The following A2ML1 variants were observed in gnomAD, a reference collection of about 807,000 sequenced individuals.
A2ML1 encodes alpha-2-macroglobulin like 1.
A neutral mutation model predicts 181.9 loss-of-function variants in A2ML1; 161 were observed. That is an observed-to-expected ratio of 0.89 (90% CI 0.78 to 1.01). The LOEUF is 1.01. Among genes scored for constraint, A2ML1 ranks in the 50% least tolerant of loss-of-function variants. The pLI, the probability that A2ML1 is intolerant of heterozygous loss-of-function variation, is 0.00. For synonymous variants in A2ML1, 663 were observed against 666.8 expected (o/e 0.99, Z 0.09); for missense variants, 1,670 against 1,768.1 (o/e 0.94, Z 1.00).
At chr12:8,832,208 T>G (rs111255331) in intron 4 of A2ML1, among the ~76,000 whole-genome samples, 4,313 of 152,158 alleles carry the variant, frequency 0.028, 210 homozygotes, top group African/African-American at 0.098. Context: ...TGAGCCAGAT[T>G]ACTGGTCTGG....
At chr12:8,826,378 T>C (rs959319884) in intron 3 of A2ML1, among the ~76,000 whole-genome samples, 21 of 152,182 alleles carry the variant, frequency 1.4e-4, no homozygotes, top group African/African-American at 5.1e-4. Flanking sequence ...TTTATAGCTA[T>C]TGTAAATGGA....
chr12:8,869,231 G>A (rs776461102), intron 33 of A2ML1, 28 bp downstream of exon 33: 1 of 1,608,272 alleles, frequency 6.2e-7, no homozygotes, highest in Admixed American at 1.7e-5. Flanking sequence ...AGATCAAAGA[G>A]CTGGATTGCT....
At chr12:8,883,634 C>G (rs142292203) in intron 7 of A2ML1, among the ~76,000 whole-genome samples, 2 of 151,772 alleles carry the variant, frequency 1.3e-5, no homozygotes, top group Admixed American at 6.6e-5. Flanking sequence ...CCCACCACCA[C>G]GCCTGGCTAA....
intron 3 of A2ML1, 45 bp downstream of exon 3, chr12:8,823,927 G>A (rs1488039878): frequency 1.3e-5 from 21 of 1,578,830 alleles, no homozygotes; most frequent in Middle Eastern, 1.8e-4. Flanking sequence ...TGGGGAAACC[G>A]CTGTGCACAG....
intron 14 of A2ML1, 37 bp downstream of exon 14, chr12:8,846,259 G>C (rs1376547081): frequency 3.2e-5 from 51 of 1,611,580 alleles, no homozygotes; most frequent in Non-Finnish European, 4.1e-5. Flanking sequence ...GATAAAAGTT[G>C]GGCATAGAGA....
intron 12 of A2ML1, chr12:8,844,888 C>A: frequency 1.2e-6 from 1 of 816,076 alleles, no homozygotes; most frequent in Non-Finnish European, 1.6e-6. Flanking sequence ...GACCTTGGAG[C>A]CCTGCAGGAG....
intron 28 of A2ML1, among the ~76,000 whole-genome samples, chr12:8,862,378 T>A (rs1944296159): frequency 6.6e-6 from 1 of 151,980 alleles, no homozygotes; most frequent in Non-Finnish European, 1.5e-5. Context: ...ATCTTTGTAT[T>A]TTTAGTAGAG....
At chr12:8,858,236 T>A in intron 26 of A2ML1, 134 bp downstream of exon 26, 1 of 1,071,470 alleles carries the variant, frequency 9.3e-7, no homozygotes, top group Non-Finnish European at 1.3e-6. Context: ...TGGGTGACCG[T>A]GATCAAAATG....
intron 5 of A2ML1, 53 bp from the exon 6 acceptor site, chr12:8,835,454 G>A (rs1337722304): frequency 6.2e-7 from 1 of 1,605,810 alleles, no homozygotes; most frequent in Non-Finnish European, 8.5e-7. Context: ...TTTTTGCAAT[G>A]CAGAGTGGGA....
At chr12:8,823,941 T>TTTTGTGGTTTGAC in intron 3 of A2ML1, 59 bp downstream of exon 3, 1 of 1,526,244 alleles carries the variant, frequency 6.6e-7, no homozygotes, top group Non-Finnish European at 8.8e-7. Flanking sequence ...TGCACAGGGG[T>TTTTGTGGTTTGAC]AAAGAGGGGA....
intron 3 of A2ML1, among the ~76,000 whole-genome samples, chr12:8,826,188 T>C (rs908630246): frequency 1.3e-5 from 2 of 152,238 alleles, no homozygotes; most frequent in Non-Finnish European, 2.9e-5. Context: ...GCAATGAACC[T>C]GTAGATTGCC....
At chr12:8,826,352 T>C (rs1178861346) in intron 3 of A2ML1, among the ~76,000 whole-genome samples, 1 of 152,190 alleles carries the variant, frequency 6.6e-6, no homozygotes, top group Non-Finnish European at 1.5e-5. Flanking sequence ...AGTTTATTCC[T>C]AGGTATTTTA....
chr12:8,835,803 G>A, intron 6 of A2ML1, 137 bp downstream of exon 6: 1 of 1,107,404 alleles, frequency 9.0e-7, no homozygotes, highest in African/African-American at 1.6e-5. Flanking sequence ...CATGAGGTCA[G>A]GAGATCGAGA....
intron 7 of A2ML1, among the ~76,000 whole-genome samples, chr12:8,837,128 C>A (rs1393915911): frequency 6.6e-6 from 1 of 152,122 alleles, no homozygotes; most frequent in Non-Finnish European, 1.5e-5. Flanking sequence ...AAGCGATTCT[C>A]CTGCCTCTTC....
chr12:8,843,007 A>T, intron 11 of A2ML1, 127 bp from the exon 12 acceptor site: 1 of 797,472 alleles, frequency 1.3e-6, no homozygotes, highest in Non-Finnish European at 2.0e-6. Context: ...CTAATGAAAT[A>T]CCCACATGCC....
At position 8,876,039 on chromosome 12, in the gene A2ML1, T is replaced by C. The variant is rs1280866775; in HGVS notation, c.*2-19T>C. 1.3e-5 allele frequency: 2 copies of C among 152,212 alleles called. No homozygotes were observed. Among genetic ancestry groups the C allele is most frequent in the Non-Finnish European group, 2.9e-5 (2 of 68,052 alleles). 9.4% of individuals were successfully genotyped at this position (152,212 alleles called of 1,614,324 possible). A position where few individuals can be genotyped will look rare whatever the true frequency, so the allele number is the denominator to read the frequency against. On this transcript the variant is annotated intron_variant, in intron 35 of 35. Coordinates refer to ENST00000299698, the MANE Select transcript of A2ML1 (RefSeq NM_144670.6). Reference sequence around the variant, plus strand: ...TATCACAGTGTCTTCTATTTTTTGTTTGATTGTTCGCTTTTCAGGATAGGA... The same window carrying C: ...TATCACAGTGTCTTCTATTTTTTGTCTGATTGTTCGCTTTTCAGGATAGGA...
intron 7 of A2ML1, among the ~76,000 whole-genome samples, chr12:8,882,400 C>CT (rs948976902): frequency 4.6e-5 from 7 of 152,048 alleles, no homozygotes; most frequent in African/African-American, 7.2e-5. Context: ...AAGAATCCTA[C>CT]TTTTTTTTCT....
At position 8,836,249 on chromosome 12, in the gene A2ML1, C is replaced by A; in HGVS notation, c.644-6C>A. 1.2e-6 allele frequency: 2 copies of A among 1,613,656 alleles called. No homozygotes were observed. Among genetic ancestry groups the A allele is most frequent in the South Asian group, 1.1e-5 (1 of 91,066 alleles). ...CTTTCTCCATTTCTCCTTTTACTCT[C>A]TTCAGTGCTGCCGAAGTTTAAGGTG... On this transcript the variant is annotated splice_region_variant and splice_polypyrimidine_tract_variant and intron_variant, in intron 6 of 35. Coordinates refer to ENST00000299698, the MANE Select transcript of A2ML1 (RefSeq NM_144670.6).
chr12:8,856,972 C>G (rs1030744967), intron 23 of A2ML1, among the ~76,000 whole-genome samples, 192 bp from the exon 24 acceptor site: 2 of 148,448 alleles, frequency 1.3e-5, no homozygotes, highest in African/African-American at 2.5e-5. Flanking sequence ...TCTCGAACTC[C>G]TGACCTCAGG....
Sources: allele counts gnomAD v4.1 joint callset (sites outside exome capture counted in the v4.1 genomes callset), GRCh38; gene constraint gnomAD v4.1.1; transcripts MANE v1.5; gene names NCBI Gene and HGNC (gene_info 2026-07-23, HGNC 2026-07-21).